PHF24: variants seen among roughly 807,000 people sequenced by gnomAD.
PHF24 encodes Galpha inhibitory interacting protein.
A neutral mutation model predicts 42.6 loss-of-function variants in PHF24; 25 were observed. The observed-to-expected ratio is 0.59, with a 90% CI of 0.43 to 0.82. The LOEUF (loss-of-function observed/expected upper bound fraction) is 0.82, where lower values mean the gene tolerates loss of function less well. PHF24 is among the 40% of genes least tolerant of loss of function. PHF24 has a pLI of 0.00. For missense variants in PHF24, 470 were observed against 538.1 expected (o/e 0.87, Z 1.25); for synonymous variants, 185 against 204.8 (o/e 0.90, Z 0.83).
In PHF24 at chr9:34,972,642, G is replaced by A. The variant is rs191035488; in HGVS notation, c.564+111G>A. The A allele has an allele frequency of 7.8e-4, 818 of 1,046,026 alleles. 3 individuals carry two copies. The African/African-American group carries it at 0.01, about 13-fold the overall frequency. 64.8% of individuals were successfully genotyped at this position (1,046,026 alleles called of 1,614,324 possible). A position where few individuals can be genotyped will look rare whatever the true frequency, so the allele number is the denominator to read the frequency against. On this transcript the variant is annotated intron_variant, in intron 3 of 7. Coordinates refer to ENST00000242315, the Ensembl canonical transcript of PHF24. ...TAAAGAATTTTCCAATGGGCTGGGC[G>A]CGGTGGCTCATGCCTGTAATCCCAG...
the PHF24 span, chr9:34,922,657 G>A: frequency 8.7e-7 from 1 of 1,154,204 alleles, no homozygotes; most frequent in East Asian, 2.3e-5. Flanking sequence ...CTCTTAGCTA[G>A]GTCTCAGTTT....
chr9:34,835,577 G>A, the PHF24 span: 1 of 1,551,738 alleles, frequency 6.4e-7, no homozygotes, highest in Non-Finnish European at 8.7e-7. Context: ...GACAAGGCTG[G>A]GGTTGCTCTG....
At chr9:34,767,727 G>C in the PHF24 span, among the ~76,000 whole-genome samples, 14 of 152,238 alleles carry the variant, frequency 9.2e-5, no homozygotes, top group Admixed American at 4.6e-4. Context: ...TGCGCCCACT[G>C]TCTGGCACTC....
the PHF24 span, among the ~76,000 whole-genome samples, chr9:34,897,066 G>T: frequency 6.6e-6 from 1 of 152,226 alleles, no homozygotes; most frequent in African/African-American, 2.4e-5. Context: ...TGAAGCAGGA[G>T]AATCGCTTGA....
At chr9:34,837,725 T>C in the PHF24 span, 1 of 1,445,742 alleles carries the variant, frequency 6.9e-7, no homozygotes, top group Non-Finnish European at 9.5e-7. Context: ...CATTAGAATG[T>C]GAAGCTGGGA....
chr9:34,883,091 C>T, the PHF24 span, among the ~76,000 whole-genome samples: 1 of 152,126 alleles, frequency 6.6e-6, no homozygotes, highest in African/African-American at 2.4e-5. Context: ...TTTGACAAAC[C>T]TGAGAAAAAC....
chr9:34,870,275 T>C, the PHF24 span, among the ~76,000 whole-genome samples: 1 of 152,250 alleles, frequency 6.6e-6, no homozygotes, highest in South Asian at 2.1e-4. Context: ...GTGCATTCTA[T>C]GGATTTTGAT....
chr9:34,695,267 T>C, the PHF24 span, among the ~76,000 whole-genome samples: 1 of 152,338 alleles, frequency 6.6e-6, no homozygotes, highest in South Asian at 2.1e-4. Flanking sequence ...CCGAAAGGAC[T>C]AAGTTGGGGT....
the PHF24 span, among the ~76,000 whole-genome samples, chr9:34,925,736 A>T: frequency 6.6e-6 from 1 of 151,842 alleles, no homozygotes; most frequent in South Asian, 2.1e-4. Context: ...ATCTCAATCC[A>T]TTTCCTTAAG....
chr9:34,678,722 C>T, the PHF24 span, among the ~76,000 whole-genome samples: 6 of 152,232 alleles, frequency 3.9e-5, no homozygotes, highest in East Asian at 1.2e-3. Flanking sequence ...CCTCCACCTC[C>T]CGGGTTCAGG....
the PHF24 span, among the ~76,000 whole-genome samples, chr9:34,854,854 C>T: frequency 3.3e-5 from 5 of 152,224 alleles, no homozygotes; most frequent in South Asian, 4.1e-4. Context: ...TCTTGATGAT[C>T]GGTCTAATAT....
chr9:34,811,957 C>T, the PHF24 span, among the ~76,000 whole-genome samples: 1 of 152,154 alleles, frequency 6.6e-6, no homozygotes, highest in Middle Eastern at 3.2e-3. Flanking sequence ...AAAGAAACAA[C>T]TTTATTTAGA....
At chr9:34,718,956 G>T in the PHF24 span, among the ~76,000 whole-genome samples, 13 of 152,208 alleles carry the variant, frequency 8.5e-5, no homozygotes, top group Non-Finnish European at 1.8e-4. Flanking sequence ...ACCTGAGTGT[G>T]CCAGAGGTGA....
chr9:34,743,554 G>A, the PHF24 span, among the ~76,000 whole-genome samples: 118,814 of 152,152 alleles, frequency 0.78, 47,056 homozygotes, highest in East Asian at 0.95. Context: ...TTTTAACTAC[G>A]TGGGATTTTG....
At chr9:34,871,271 A>G in the PHF24 span, among the ~76,000 whole-genome samples, 50 of 152,266 alleles carry the variant, frequency 3.3e-4, no homozygotes, top group African/African-American at 1.0e-3. Flanking sequence ...TCTTTTGCCC[A>G]TTTTTAAATT....
the PHF24 span, among the ~76,000 whole-genome samples, chr9:34,691,753 A>G: frequency 9.9e-5 from 15 of 152,284 alleles, no homozygotes; most frequent in African/African-American, 3.6e-4. Context: ...GTGCCTGCCC[A>G]CTATGTGGGA....
the PHF24 span, among the ~76,000 whole-genome samples, chr9:34,751,546 T>C: frequency 6.6e-6 from 1 of 152,168 alleles, no homozygotes; most frequent in South Asian, 2.1e-4. Flanking sequence ...CACCCAGATA[T>C]ATAAACAAAT....
the PHF24 span, among the ~76,000 whole-genome samples, chr9:34,891,709 G>T: frequency 6.6e-6 from 1 of 152,184 alleles, no homozygotes; most frequent in East Asian, 1.9e-4. Flanking sequence ...TCCCTCTTGA[G>T]GACTGAAATG....
At chr9:34,954,882 GCTCT>G (rs746897287), upstream of PHF24, among the ~76,000 whole-genome samples, 24 of 152,144 alleles carry the variant, frequency 1.6e-4, no homozygotes, top group Non-Finnish European at 2.4e-4. Context: ...ACTTATAGAG[GCTCT>G]CTATTATCTA....
Sources: allele counts gnomAD v4.1 joint callset (sites outside exome capture counted in the v4.1 genomes callset), GRCh38; gene constraint gnomAD v4.1.1; transcripts MANE v1.5; gene names NCBI Gene and HGNC (gene_info 2026-07-23, HGNC 2026-07-21).